GAREM2: variants seen among roughly 807,000 people sequenced by gnomAD.
GAREM2 encodes the protein GRB2-associated and regulator of MAPK protein 2.
In GAREM2, 30 loss-of-function variants were observed where a neutral mutation model predicts 55.6. That is an observed-to-expected ratio of 0.54 (90% CI 0.40 to 0.73). GAREM2 has a LOEUF of 0.73. Ranked by LOEUF, GAREM2 falls within the 30% of genes least tolerant of loss-of-function variation. The pLI, the probability that GAREM2 is intolerant of heterozygous loss-of-function variation, is 0.00. For synonymous variants in GAREM2, 550 were observed against 569.1 expected (o/e 0.97, Z 0.48); for missense variants, 1,075 against 1,257.7 (o/e 0.85, Z 2.20).
chr2:26,184,288 CGGGCGACG>C lies in GAREM2; in HGVS notation c.441_448del (p.Gly148AlafsTer143). The C allele has an allele frequency of 6.4e-7, 1 of 1,550,966 alleles. No homozygotes were observed. Among genetic ancestry groups the C allele is most frequent in the Non-Finnish European group, 8.7e-7 (1 of 1,146,764 alleles). On this transcript the variant is annotated frameshift_variant, in exon 4 of 6. Coordinates refer to ENST00000401533, the MANE Select transcript of GAREM2 (RefSeq NM_001168241.2). LOFTEE classifies it high-confidence loss of function. ...GAGGTGTACAACTTCACGCTGCATG[CGGGCGACG>C]AGCTCACTCTTATGGGCCAGGCGGA...
chr2:26,187,618 T>A lies in GAREM2; in HGVS notation c.1986T>A (p.Pro662=). The change falls in exon 6 of 6, where the codon CCT becomes CCA. Residue 662 remains proline, a synonymous_variant. Transcript: ENST00000401533. ...CGGGTCCTGTGGCTACCTCTGGCCCTGCGTATTCCCCAGGCCCAGCCTCGC... is the reference window on the plus strand; with the variant it reads ...CGGGTCCTGTGGCTACCTCTGGCCCAGCGTATTCCCCAGGCCCAGCCTCGC... The part of the protein sequence containing the change: ...TTSGPVATSG[P]AYSPGPASPG... 8 of 1,549,364 alleles carry A rather than the reference T, an allele frequency of 5.2e-6. No homozygotes were observed. Among genetic ancestry groups the A allele is most frequent in the Non-Finnish European group, 7.0e-6 (8 of 1,145,792 alleles).
chr2:26,195,158 G>C, the GAREM2 span: 3 of 1,612,408 alleles, frequency 1.9e-6, no homozygotes, highest in South Asian at 3.3e-5. Flanking sequence ...TGGTGTCTTT[G>C]GAAGTTTTCT....
downstream of GAREM2, among the ~76,000 whole-genome samples, chr2:26,192,725 ACT>A (rs1407810272): frequency 6.6e-6 from 1 of 151,738 alleles, no homozygotes; most frequent in African/African-American, 2.4e-5. Flanking sequence ...ACAGTGTGAG[ACT>A]CTGTCTCAAA....
chr2:26,184,714 A>G lies in GAREM2; in HGVS notation c.866A>G (p.Tyr289Cys). The stretch of plus-strand genomic sequence containing the variant: ...CACCCGGTGCGGGAGGGTCATTGCT[A>G]CAAGCTGGTTAGCATCATCTCCAAG... ...DLHPVREGHC[Y>C]KLVSIISKTV... The change falls in exon 4 of 6, where the codon TAC becomes TGC. Residue 289 changes from tyrosine to cysteine, a missense_variant. Around this residue, in one of 6 missense-constraint regions of GAREM2, gnomAD observed 170 missense variants for 220.7 expected, o/e 0.77. Coordinates refer to ENST00000401533, the MANE Select transcript of GAREM2 (RefSeq NM_001168241.2). 6.5e-7 allele frequency: 1 copy of G among 1,535,802 alleles called. No homozygotes were observed. The highest frequency in any genetic ancestry group is 8.7e-7 in the Non-Finnish European group (1 of 1,142,994).
the GAREM2 span, chr2:26,195,263 G>T: frequency 6.3e-7 from 1 of 1,594,528 alleles, no homozygotes; most frequent in Non-Finnish European, 8.6e-7. Context: ...CCAACAGATC[G>T]GAGAATGCGG....
At position 26,187,546 on chromosome 2, in the gene GAREM2, C is replaced by A. The variant is rs1252360604; in HGVS notation, c.1914C>A (p.Tyr638Ter). 6.5e-7 allele frequency: 1 copy of A among 1,536,544 alleles called. No individual in the cohort carries two copies. Among genetic ancestry groups the A allele is most frequent in the Non-Finnish European group, 8.8e-7 (1 of 1,140,386 alleles). ...GALNPFSGPA[Y>*]PSGPSAALSS... ...TCAACCCTTTTTCCGGGCCTGCCTA[C>A]CCCTCAGGCCCTTCAGCGGCCTTGT... The change falls in exon 6 of 6, where the codon TAC becomes TAA. Residue 638 changes from tyrosine to a stop codon, truncating the protein, a stop_gained. Transcript: ENST00000401533. LOFTEE classifies it high-confidence loss of function.
chr2:26,193,670 G>C (rs1474666459), downstream of GAREM2: 2 of 1,613,852 alleles, frequency 1.2e-6, no homozygotes, highest in Non-Finnish European at 1.7e-6. Context: ...TCCGCCACAT[G>C]TTTCGCTACA....
downstream of GAREM2, chr2:26,191,498 G>T (rs138966725): frequency 4.9e-4 from 788 of 1,614,060 alleles, no homozygotes; most frequent in Non-Finnish European, 6.3e-4. Flanking sequence ...AGACAAGGCG[G>T]GAAGCCAAGC....
chr2:26,173,152 C>A lies in GAREM2; in HGVS notation c.-69C>A. On this transcript the variant is annotated 5_prime_UTR_variant, in exon 1 of 6. Transcript: ENST00000401533. ...GGCGGCCCCGGGAGGTGGCGGCGGG[C>A]GCGAGAGCCTGGGCCGCGCGGGACT... 2.3e-6 allele frequency: 1 copy of A among 436,336 alleles called. No homozygotes were observed. Among genetic ancestry groups the A allele is most frequent in the Non-Finnish European group, 3.2e-6 (1 of 314,152 alleles). 27.0% of individuals were successfully genotyped at this position (436,336 alleles called of 1,614,324 possible). A position where few individuals can be genotyped will look rare whatever the true frequency, so the allele number is the denominator to read the frequency against.
the GAREM2 span, chr2:26,199,131 C>T: frequency 1.3e-5 from 2 of 152,000 alleles, no homozygotes; most frequent in South Asian, 2.1e-4. Context: ...CTCCTGACCT[C>T]GTGATCCACC....
At position 26,184,363 on chromosome 2, in the gene GAREM2, C is replaced by G. The variant is rs573231617; in HGVS notation, c.515C>G (p.Thr172Ser). ...AKTTKERSRF[T>S]TLLRKLGRAG... ...ACCACCAAGGAGCGCTCGCGCTTCA[C>G]CACCCTCCTGCGAAAGCTGGGCCGG... Residue 172 changes from threonine (T) to serine (S), a missense_variant, in exon 4 of 6, where the codon ACC becomes AGC. Around this residue, in one of 6 missense-constraint regions of GAREM2, gnomAD observed 230 missense variants for 310.6 expected, o/e 0.74. Transcript: ENST00000401533. 7 of 1,546,154 alleles carry G rather than the reference C, an allele frequency of 4.5e-6. No homozygotes were observed. The East Asian group carries it at 1.2e-4, about 27-fold the overall frequency.
At chr2:26,192,302 G>A (rs750784743), downstream of GAREM2, 24 of 1,404,882 alleles carry the variant, frequency 1.7e-5, no homozygotes, top group East Asian at 2.3e-5. Context: ...CCACTCAAAC[G>A]GACTTACACT....
intron 2 of GAREM2, chr2:26,180,964 GAGT>G: frequency 9.1e-6 from 9 of 985,458 alleles, no homozygotes; most frequent in South Asian, 4.7e-5. Flanking sequence ...ACATCATCCT[GAGT>G]CCCTTCCTTC....
rs1322288831 is a variant in GAREM2 at position 26,185,008 on chromosome 2, C to T, written c.1160C>T (p.Ala387Val). ...CGCCTCTGCCTGCCCGCGCCGCGCG[C>T]CCCCGGGCTCGCCCGCGCCCCCGGC... ...RARLCLPAPR[A>V]PGLARAPGPL... is the part of the protein sequence containing the mutation. Residue 387 changes from alanine to valine, a missense_variant, in exon 4 of 6, where the codon GCC becomes GTC. By Grantham distance (64) the Ala-to-Val change is moderately conservative. This residue lies in a region of GAREM2 where 515 missense variants were observed against 501.5 expected (regional missense o/e 1.03). Transcript: ENST00000401533. The T allele has an allele frequency of 3.6e-6, 4 of 1,101,348 alleles. No individual in the cohort carries two copies. The African/African-American group carries it at 5.0e-5, about 14-fold the overall frequency. 68.2% of individuals were successfully genotyped at this position (1,101,348 alleles called of 1,614,324 possible).
At chr2:26,186,834 G>A (rs976153904) in intron 5 of GAREM2, among the ~76,000 whole-genome samples, 1 of 152,190 alleles carries the variant, frequency 6.6e-6, no homozygotes, top group Non-Finnish European at 1.5e-5. Context: ...AATTAGCCGG[G>A]CATTACGGCA....
chr2:26,204,119 A>G, the GAREM2 span: 2 of 1,613,844 alleles, frequency 1.2e-6, no homozygotes, highest in Non-Finnish European at 1.7e-6. Flanking sequence ...ATCTTTAAGT[A>G]TAGTCTTTAG....
downstream of GAREM2, chr2:26,191,645 A>G: frequency 6.2e-7 from 1 of 1,613,594 alleles, no homozygotes; most frequent in South Asian, 1.1e-5. Context: ...ACAGAAAGAG[A>G]TGTTTAGGTA....
At chr2:26,178,889 A>AGGAGGCGGAGGAGGAGGC (rs577641882) in intron 2 of GAREM2, among the ~76,000 whole-genome samples, 7,840 of 149,798 alleles carry the variant, frequency 0.052, 295 homozygotes, top group Non-Finnish European at 0.073. Flanking sequence ...GGAGGGGAGG[A>AGGAGGCGGAGGAGGAGGC]GGAGGCGGAG....
intron 2 of GAREM2, among the ~76,000 whole-genome samples, chr2:26,178,417 C>G (rs1225267918): frequency 6.6e-6 from 1 of 151,986 alleles, no homozygotes; most frequent in Non-Finnish European, 1.5e-5. Context: ...ACAACCCCCC[C>G]CCCCAACAAC....
Sources: gnomAD v4.1 joint callset for allele counts (sites outside exome capture counted in the v4.1 genomes callset) on GRCh38, gnomAD v4.1.1 for gene constraint, gnomAD v4.1.1 regional missense constraint, MANE v1.5 for transcripts, NCBI Gene and HGNC (gene_info 2026-07-23, HGNC 2026-07-21) for gene names.